The following CTBP1 variants were observed in gnomAD, a reference collection of about 807,000 sequenced individuals.
The protein encoded by CTBP1 is C-terminal-binding protein 1.
In CTBP1, 11 loss-of-function variants were observed where a neutral mutation model predicts 42.1. The observed-to-expected ratio is 0.26, with a 90% CI of 0.16 to 0.43. The LOEUF (loss-of-function observed/expected upper bound fraction) is 0.43. Among genes scored for constraint, CTBP1 ranks in the 20% least tolerant of loss-of-function variants. CTBP1 has a pLI of 1.00. For missense variants in CTBP1, 399 were observed against 624.3 expected (o/e 0.64, Z 3.85); for synonymous variants, 324 against 277.1 (o/e 1.17, Z -1.68).
At chr4:1,244,419 C>T in intron 1 of CTBP1, 2 of 985,172 alleles carry the variant, frequency 2.0e-6, no homozygotes, top group South Asian at 4.7e-5. Flanking sequence ...GCAGCTACCC[C>T]TGTTCCTTCC....
intron 3 of CTBP1, among the ~76,000 whole-genome samples, chr4:1,229,554 GC>G (rs148601619): frequency 7.7e-4 from 117 of 152,326 alleles, no homozygotes; most frequent in African/African-American, 2.6e-3. Flanking sequence ...GGTTGCCGGG[GC>G]CTAGGTGGCG....
intron 1 of CTBP1, chr4:1,243,971 A>T: frequency 1.0e-6 from 1 of 984,998 alleles, no homozygotes; most frequent in Non-Finnish European, 1.2e-6. Flanking sequence ...GAGCACATGG[A>T]AGCTTGTGCT....
At chr4:1,223,133 G>A (rs775796244) in intron 5 of CTBP1, among the ~76,000 whole-genome samples, 9 of 151,996 alleles carry the variant, frequency 5.9e-5, no homozygotes, top group Non-Finnish European at 1.2e-4. Context: ...ACAGAGCCCC[G>A]AGTCCCCGGC....
chr4:1,232,245 A>G (rs1731038343), intron 3 of CTBP1, among the ~76,000 whole-genome samples: 2 of 152,204 alleles, frequency 1.3e-5, no homozygotes, highest in African/African-American at 4.8e-5. Flanking sequence ...GCTGGCACAC[A>G]AATTGAAAAT....
At chr4:1,218,701 C>T (rs904837178) in intron 5 of CTBP1, 1 of 152,188 alleles carries the variant, frequency 6.6e-6, no homozygotes. Flanking sequence ...CCTCTGGCCG[C>T]CCTGGACGAG....
At chr4:1,213,752 A>G (rs1728797456) in intron 7 of CTBP1, 147 bp from the exon 8 acceptor site, 1 of 1,069,064 alleles carries the variant, frequency 9.4e-7, no homozygotes. Flanking sequence ...AGGCTGGCTG[A>G]GCTCAAGAGC....
In CTBP1 at chr4:1,235,839, C is replaced by T. The variant is rs369013837; in HGVS notation, c.162+2344G>A. 7 of 152,350 alleles carry T rather than the reference C, an allele frequency of 4.6e-5. No individual in the cohort carries two copies. Among genetic ancestry groups the T allele is most frequent in the South Asian group, 4.1e-4 (2 of 4,830 alleles). The allele number at this position is 152,350 out of a possible 1,614,324, so 9.4% of individuals were successfully genotyped here. Reference sequence around the variant, plus strand: ...AGAAATGACCCGAGGCCTCGGCTGACGCTGTCTTCCTCTAAAGGGGCCGTC... The same window carrying T: ...AGAAATGACCCGAGGCCTCGGCTGATGCTGTCTTCCTCTAAAGGGGCCGTC... On this transcript the variant is annotated intron_variant, in intron 3 of 9. Transcript: ENST00000382952. This position sits in a 1 kb window ranked among gnomAD's most constrained non-coding sequence, Gnocchi z 4.2.
intron 1 of CTBP1, among the ~76,000 whole-genome samples, chr4:1,245,960 CG>C (rs1312369058): frequency 1.3e-5 from 2 of 152,170 alleles, no homozygotes; most frequent in African/African-American, 4.8e-5. Context: ...CACCTGGGGC[CG>C]CCCAGAGAGA....
chr4:1,242,107 A>G (rs1732239954), intron 1 of CTBP1: 1 of 985,128 alleles, frequency 1.0e-6, no homozygotes, highest in African/African-American at 1.7e-5. Context: ...AATTCTCCCA[A>G]AAAAACTGCT....
At chr4:1,227,943 T>C (rs1303554658) in intron 4 of CTBP1, among the ~76,000 whole-genome samples, 3 of 152,258 alleles carry the variant, frequency 2.0e-5, no homozygotes, top group Non-Finnish European at 2.9e-5. Context: ...CAGCCAGACA[T>C]GCATGCAGAC....
At chr4:1,226,464 G>A (rs1038609956) in intron 4 of CTBP1, among the ~76,000 whole-genome samples, 5 of 151,872 alleles carry the variant, frequency 3.3e-5, no homozygotes, top group African/African-American at 7.3e-5. Context: ...GATGTGGGGC[G>A]GCGCAGGCAG....
chr4:1,215,886 C>T, intron 6 of CTBP1, 105 bp downstream of exon 6: 1 of 1,262,876 alleles, frequency 7.9e-7, no homozygotes, highest in Non-Finnish European at 1.1e-6. Flanking sequence ...TCGCTGAAGG[C>T]AGGGTCTTGC....
At chr4:1,247,226 G>C (rs961746150) in intron 1 of CTBP1, among the ~76,000 whole-genome samples, 9 of 152,244 alleles carry the variant, frequency 5.9e-5, no homozygotes, top group South Asian at 2.1e-4. Flanking sequence ...GCATGTTGGG[G>C]ACATGGCAGA....
intron 1 of CTBP1, among the ~76,000 whole-genome samples, chr4:1,247,130 G>A (rs565570248): frequency 6.6e-6 from 1 of 152,308 alleles, no homozygotes; most frequent in African/African-American, 2.4e-5. Context: ...CGAGTAAAAG[G>A]GAAGATCCTA....
intron 5 of CTBP1, among the ~76,000 whole-genome samples, chr4:1,222,116 G>C (rs1291498824): frequency 6.6e-6 from 1 of 152,228 alleles, no homozygotes; most frequent in African/African-American, 2.4e-5. Context: ...CCCTGGGAGA[G>C]CCTGAGTGGC....
At chr4:1,245,104 G>T (rs1256241331) in intron 1 of CTBP1, 2 of 984,178 alleles carry the variant, frequency 2.0e-6, no homozygotes, top group African/African-American at 1.7e-5. Context: ...CAGCTCCTCC[G>T]ACGACAGCAC....
chr4:1,215,179 C>T (rs779158384), intron 6 of CTBP1, among the ~76,000 whole-genome samples: 47 of 152,224 alleles, frequency 3.1e-4, no homozygotes, highest in Admixed American at 2.9e-3. Flanking sequence ...CCACGTGCCA[C>T]ACCCTGTCCC....
In CTBP1 at chr4:1,241,273, A is replaced by G. The variant is rs1471430276; in HGVS notation, c.7+52T>C. The G allele has an allele frequency of 1.4e-5, 11 of 787,160 alleles. No homozygotes were observed. In the South Asian group the frequency reaches 1.5e-4, roughly 11 times the overall value. 48.8% of individuals were successfully genotyped at this position (787,160 alleles called of 1,614,324 possible). A position where few individuals can be genotyped will look rare whatever the true frequency, so the allele number is the denominator to read the frequency against. On this transcript the variant is annotated intron_variant, in intron 2 of 9. Coordinates refer to ENST00000382952, the MANE Select transcript of CTBP1 (RefSeq NM_001012614.2). ...GGCAGTGCCTCCTCCACACGGTCGC[A>G]AAGAGACCGGCCGGCTTCACTCTGC...
intron 2 of CTBP1, among the ~76,000 whole-genome samples, chr4:1,239,941 G>A (rs1731987186): frequency 6.6e-6 from 1 of 152,242 alleles, no homozygotes; most frequent in African/African-American, 2.4e-5. Context: ...GCCTCCCTCT[G>A]CACGTGGCCT....
Sources: allele counts gnomAD v4.1 joint callset (sites outside exome capture counted in the v4.1 genomes callset), GRCh38; gene constraint gnomAD v4.1.1; non-coding constraint Gnocchi (gnomAD v3.1); transcripts MANE v1.5; gene names NCBI Gene and HGNC (gene_info 2026-07-23, HGNC 2026-07-21).